The following KHDRBS2 variants were observed in gnomAD, a reference collection of about 807,000 sequenced individuals.
The protein encoded by KHDRBS2 is KH RNA binding domain containing, signal transduction associated 2, also known as KH domain-containing, RNA-binding, signal transduction-associated protein 2.
KHDRBS2 carries 26 observed loss-of-function variants against 44.3 expected under a neutral mutation model. That is an observed-to-expected ratio of 0.59 (90% confidence interval 0.43 to 0.81). The LOEUF (loss-of-function observed/expected upper bound fraction) is 0.81. Ranked by LOEUF, KHDRBS2 falls within the 40% of genes least tolerant of loss-of-function variation. The probability of loss-of-function intolerance (pLI) is 0.00; values close to 1 mark genes in which losing one functional copy is unlikely to be tolerated. For missense variants in KHDRBS2, 476 were observed against 433.1 expected, an observed-to-expected ratio of 1.10 and a Z score of -0.88; for synonymous variants, 194 against 151.1, an observed-to-expected ratio of 1.28 and a Z score of -2.08.
the KHDRBS2 span, among the ~76,000 whole-genome samples, chr6:61,608,708 G>A: frequency 6.6e-6 from 1 of 151,740 alleles, no homozygotes; most frequent in African/African-American, 2.4e-5. Context: ...TTGTTCCTGT[G>A]TTAGTTTGCT....
At position 62,166,450 on chromosome 6, in the gene KHDRBS2, T is replaced by A. The variant is rs1482389028; in HGVS notation, c.219+10735A>T. Among the ~76,000 whole-genome samples the A allele has an allele frequency of 2.6e-5, 4 of 152,070 alleles. No individual in the cohort carries two copies. The East Asian group carries it at 5.8e-4, about 22-fold the overall frequency. ...TCTGAAATTGTGTATTACATAAATT[T>A]ATGTTCACAATGGTTTATCTTAAAA... On this transcript the variant is annotated intron_variant, in intron 2 of 8. Coordinates refer to ENST00000281156, the MANE Select transcript of KHDRBS2 (RefSeq NM_152688.4).
At chr6:61,772,162 T>A (rs1219379302) in intron 6 of KHDRBS2, among the ~76,000 whole-genome samples, 1 of 152,032 alleles carries the variant, frequency 6.6e-6, no homozygotes, top group Non-Finnish European at 1.5e-5. Context: ...TTGAACACAT[T>A]GAAAGCATTG....
In KHDRBS2 at chr6:61,910,086, G is replaced by A. The variant is rs564925486; in HGVS notation, c.484-8715C>T. On this transcript the variant is annotated intron_variant, in intron 4 of 8. Transcript: ENST00000281156. ...TTCTCAGCTCCTACAAACAGATTAGGGCGCTTTTACCGGAATAGTAAAGAA... is the reference window on the plus strand; with the variant it reads ...TTCTCAGCTCCTACAAACAGATTAGAGCGCTTTTACCGGAATAGTAAAGAA... Among the ~76,000 whole-genome samples the A allele has an allele frequency of 1.4e-3, 216 of 152,272 alleles. 5 individuals carry two copies. In the South Asian group the frequency reaches 0.043, roughly 30 times the overall value.
At chr6:61,889,138 T>A (rs1049217789) in intron 6 of KHDRBS2, among the ~76,000 whole-genome samples, 44 of 152,214 alleles carry the variant, frequency 2.9e-4, no homozygotes, top group Non-Finnish European at 2.8e-4. Context: ...TTACCTTTTA[T>A]TAACAACAAT....
chr6:61,550,993 G>A, the KHDRBS2 span, among the ~76,000 whole-genome samples: 1 of 151,904 alleles, frequency 6.6e-6, no homozygotes, highest in Non-Finnish European at 1.5e-5. Flanking sequence ...AGGCTGGTCT[G>A]GAACTTCTGG....
At chr6:61,948,105 T>C (rs369832081) in intron 4 of KHDRBS2, among the ~76,000 whole-genome samples, 1 of 152,116 alleles carries the variant, frequency 6.6e-6, no homozygotes, top group South Asian at 2.1e-4. Flanking sequence ...CCTGGCATTT[T>C]AAATTTTATA....
At chr6:61,732,456 T>G (rs1774634658) in intron 7 of KHDRBS2, among the ~76,000 whole-genome samples, 1 of 152,192 alleles carries the variant, frequency 6.6e-6, no homozygotes, top group African/African-American at 2.4e-5. Context: ...TTGGTTGCCA[T>G]AATCATCTAG....
intron 3 of KHDRBS2, among the ~76,000 whole-genome samples, chr6:61,995,081 G>T (rs963302154): frequency 6.6e-6 from 1 of 151,948 alleles, no homozygotes; most frequent in Non-Finnish European, 1.5e-5. Flanking sequence ...CACAATAAAG[G>T]GTTCATTTTT....
intron 2 of KHDRBS2, among the ~76,000 whole-genome samples, chr6:62,105,293 G>T (rs999884128): frequency 6.6e-6 from 1 of 152,146 alleles, no homozygotes. Flanking sequence ...CATTACTCTG[G>T]TATCACAAAC....
intron 2 of KHDRBS2, among the ~76,000 whole-genome samples, chr6:62,062,343 C>A (rs370471278): frequency 4.1e-4 from 58 of 141,106 alleles, no homozygotes; most frequent in African/African-American, 1.5e-3. Context: ...CAGCACCACA[C>A]CACACCTATT....
At chr6:61,779,733 A>G (rs1782646826) in intron 6 of KHDRBS2, among the ~76,000 whole-genome samples, 1 of 152,146 alleles carries the variant, frequency 6.6e-6, no homozygotes, top group South Asian at 2.1e-4. Flanking sequence ...GTGACGTTTC[A>G]GGCATTGTGC....
At chr6:62,086,441 G>T (rs1338598149) in intron 2 of KHDRBS2, among the ~76,000 whole-genome samples, 1 of 152,172 alleles carries the variant, frequency 6.6e-6, no homozygotes, top group African/African-American at 2.4e-5. Context: ...TGGAAATTTA[G>T]AAATTTGGTT....
chr6:61,573,821 G>T, the KHDRBS2 span, among the ~76,000 whole-genome samples: 1 of 150,718 alleles, frequency 6.6e-6, no homozygotes, highest in African/African-American at 2.4e-5. Flanking sequence ...AAGTAAAAGA[G>T]CCTGCATAGC....
chr6:61,831,001 A>T (rs1583056674), intron 6 of KHDRBS2, among the ~76,000 whole-genome samples: 1 of 151,982 alleles, frequency 6.6e-6, no homozygotes, highest in African/African-American at 2.4e-5. Context: ...ATTAAGATAT[A>T]AAAAAAAGTC....
At position 61,880,765 on chromosome 6, in the gene KHDRBS2, C is replaced by T. The variant is rs1044350158; in HGVS notation, c.810+13870G>A. On this transcript the variant is annotated intron_variant, in intron 6 of 8. Transcript: ENST00000281156. ...GTCTTACAGTAAACTATACTCCTGT[C>T]TTCACAACTATAACTTCTTACTTTT... Among the ~76,000 whole-genome samples the T allele has an allele frequency of 3.2e-4, 48 of 151,874 alleles. 1 individual carries two copies. The highest frequency in any genetic ancestry group is 2.8e-3 in the Admixed American group (43 of 15,210).
At chr6:61,844,288 T>G (rs1794047979) in intron 6 of KHDRBS2, among the ~76,000 whole-genome samples, 1 of 152,178 alleles carries the variant, frequency 6.6e-6, no homozygotes, top group Non-Finnish European at 1.5e-5. Flanking sequence ...ACTTTAAATC[T>G]TCACTAAAGT....
At chr6:62,101,175 C>T (rs944826057) in intron 2 of KHDRBS2, among the ~76,000 whole-genome samples, 1 of 152,018 alleles carries the variant, frequency 6.6e-6, no homozygotes, top group African/African-American at 2.4e-5. Flanking sequence ...TCTAGGCTTG[C>T]ACAATCAAAA....
At chr6:61,929,488 C>T (rs914960170) in intron 4 of KHDRBS2, among the ~76,000 whole-genome samples, 10 of 152,100 alleles carry the variant, frequency 6.6e-5, no homozygotes, top group African/African-American at 2.2e-4. Flanking sequence ...GCCCAAAGGC[C>T]GTTCCACCAC....
intron 4 of KHDRBS2, among the ~76,000 whole-genome samples, chr6:61,932,217 T>C (rs1231747525): frequency 6.6e-6 from 1 of 152,156 alleles, no homozygotes; most frequent in African/African-American, 2.4e-5. Flanking sequence ...ACTATACATA[T>C]ACATTGTGGA....
Sources: allele counts gnomAD v4.1 joint callset (sites outside exome capture counted in the v4.1 genomes callset), GRCh38; gene constraint gnomAD v4.1.1; transcripts MANE v1.5; gene names NCBI Gene and HGNC (gene_info 2026-07-23, HGNC 2026-07-21).